Variants in TRIM37 observed in about 807,000 individuals in gnomAD.
TRIM37 encodes tripartite motif containing 37.
A neutral mutation model predicts 129.8 loss-of-function variants in TRIM37; 80 were observed. The observed-to-expected ratio is 0.62, with a 90% CI of 0.51 to 0.74. TRIM37 has a LOEUF of 0.74. Ranked by LOEUF, TRIM37 falls within the 30% of genes least tolerant of loss-of-function variation. The probability of loss-of-function intolerance (pLI) is 0.00; values close to 1 mark genes in which losing one functional copy is unlikely to be tolerated. For missense variants in TRIM37, 1,054 were observed against 1,176.5 expected, an observed-to-expected ratio of 0.90 and a Z score of 1.52; for synonymous variants, 389 against 387.1, an observed-to-expected ratio of 1.00 and a Z score of -0.06.
chr17:59,007,311 T>C (rs536567114), intron 22 of TRIM37, among the ~76,000 whole-genome samples: 5 of 146,634 alleles, frequency 3.4e-5, no homozygotes, highest in Non-Finnish European at 7.4e-5. Context: ...CAGGTGTACC[T>C]TCTTATTGAG....
intron 9 of TRIM37, among the ~76,000 whole-genome samples, chr17:59,070,292 G>A (rs577634238): frequency 2.6e-5 from 4 of 152,218 alleles, no homozygotes; most frequent in East Asian, 1.9e-4. Context: ...TTTAGTATCC[G>A]GAGATAACAT....
At chr17:59,076,826 T>C (rs1000629649) in intron 7 of TRIM37, among the ~76,000 whole-genome samples, 2 of 152,356 alleles carry the variant, frequency 1.3e-5, no homozygotes, top group African/African-American at 4.8e-5. Flanking sequence ...TTCACTCTTG[T>C]TGCCCAGGCT....
chr17:59,094,600 A>T (rs2044686576), intron 2 of TRIM37, among the ~76,000 whole-genome samples: 1 of 152,036 alleles, frequency 6.6e-6, no homozygotes, highest in African/African-American at 2.4e-5. Flanking sequence ...TATACTAAGT[A>T]TCTAAGATAA....
Position 58,998,879 on chromosome 17 carries a change from A to G in TRIM37, c.*498T>C, listed in dbSNP as rs1202245192. ...TACTTCAGTTATTCACATAGTGTCTACAGGGCAGAATCTCTTCCAAAGCAA... is the reference window on the plus strand; with the variant it reads ...TACTTCAGTTATTCACATAGTGTCTGCAGGGCAGAATCTCTTCCAAAGCAA... On this transcript the variant is annotated 3_prime_UTR_variant, in exon 24 of 24. Transcript: ENST00000262294. 2.0e-6 allele frequency: 2 copies of G among 1,010,038 alleles called. No homozygotes were observed. The highest frequency in any genetic ancestry group is 1.7e-5 in the African/African-American group (1 of 57,208). The allele number at this position is 1,010,038 out of a possible 1,614,324, so 62.6% of individuals were successfully genotyped here.
At chr17:59,089,249 GTC>G (rs2044059238) in intron 3 of TRIM37, among the ~76,000 whole-genome samples, 1 of 151,686 alleles carries the variant, frequency 6.6e-6, no homozygotes, top group African/African-American at 2.4e-5. Flanking sequence ...GTGAGAGCCT[GTC>G]TCAAAAACAA....
intron 24 of TRIM37, among the ~76,000 whole-genome samples, chr17:58,992,567 A>G (rs893837072): frequency 2.6e-4 from 39 of 151,858 alleles, no homozygotes; most frequent in African/African-American, 9.0e-4. Flanking sequence ...TTTAGTAAAG[A>G]TAGGGTTTCT....
chr17:58,994,728 T>C (rs2144239693), downstream of TRIM37, among the ~76,000 whole-genome samples: 1 of 152,116 alleles, frequency 6.6e-6, no homozygotes. Context: ...GGAACAGCTG[T>C]CTATATACAT....
At chr17:59,014,512 TAAC>T (rs1473107192) in intron 21 of TRIM37, among the ~76,000 whole-genome samples, 1 of 152,132 alleles carries the variant, frequency 6.6e-6, no homozygotes, top group Non-Finnish European at 1.5e-5. Flanking sequence ...ATAAACGTGT[TAAC>T]TACTATATAT....
intron 16 of TRIM37, among the ~76,000 whole-genome samples, chr17:59,042,484 C>T (rs1247633056): frequency 2.4e-5 from 3 of 125,072 alleles, no homozygotes; most frequent in African/African-American, 7.0e-5. Flanking sequence ...ATCTCAAGGC[C>T]GGGCGCAGTG....
Position 59,041,886 on chromosome 17 carries a change from A to G in TRIM37, c.1680T>C (p.Asn560=). The part of the protein sequence containing the change: ...DIDEETMSGE[N]DVEYNNMELE... ...ATTCCATGTTGTTATATTCCACATC[A>G]TTTTCTCCAGACCTAAGAATATACA... The change falls in exon 17 of 24, where the codon AAT becomes AAC. Residue 560 remains asparagine (N), a synonymous_variant. Transcript: ENST00000262294. 1 of 1,612,800 alleles carries G rather than the reference A, an allele frequency of 6.2e-7. No homozygotes were observed. Among genetic ancestry groups the G allele is most frequent in the East Asian group, 2.2e-5 (1 of 44,838 alleles).
chr17:59,026,444 A>T (rs979881499), intron 19 of TRIM37, among the ~76,000 whole-genome samples: 1 of 152,236 alleles, frequency 6.6e-6, no homozygotes, highest in African/African-American at 2.4e-5. Flanking sequence ...TTCAAATGTT[A>T]AATGACACAA....
At chr17:59,009,901 A>G (rs2035045082) in intron 22 of TRIM37, among the ~76,000 whole-genome samples, 1 of 152,238 alleles carries the variant, frequency 6.6e-6, no homozygotes, top group Non-Finnish European at 1.5e-5. Flanking sequence ...TAACACAGTA[A>G]GAACTTAGTA....
chr17:59,099,786 T>G (rs1276390654), intron 2 of TRIM37, among the ~76,000 whole-genome samples: 1 of 152,212 alleles, frequency 6.6e-6, no homozygotes, highest in African/African-American at 2.4e-5. Flanking sequence ...GGTGAGAATG[T>G]AAAATTATAA....
At chr17:59,008,084 G>A (rs776167499) in intron 22 of TRIM37, among the ~76,000 whole-genome samples, 9 of 152,186 alleles carry the variant, frequency 5.9e-5, no homozygotes, top group African/African-American at 7.2e-5. Flanking sequence ...GAGCAAGGCC[G>A]CACTCTCCTC....
intron 20 of TRIM37, 116 bp from the exon 21 acceptor site, chr17:59,015,915 G>T: frequency 1.1e-6 from 1 of 922,998 alleles, no homozygotes. Context: ...GGAGGCGGAG[G>T]TTGCAGTGAG....
intron 24 of TRIM37, among the ~76,000 whole-genome samples, chr17:58,991,443 G>A (rs897001951): frequency 6.6e-6 from 1 of 152,112 alleles, no homozygotes; most frequent in Admixed American, 6.6e-5. Flanking sequence ...GGCTGAGACA[G>A]GAGAATCGCT....
rs140771895 is a variant in TRIM37 at position 59,064,162 on chromosome 17, G to C, written c.860+193C>G. On this transcript the variant is annotated intron_variant, in intron 10 of 23. Coordinates refer to ENST00000262294, the MANE Select transcript of TRIM37 (RefSeq NM_015294.6). ...AGAAAAGGTTCCTTTTCCCAGACTA[G>C]AGAAGCAGTCAGTCTAAAGATACAA... 1.3e-5 allele frequency: 7 copies of C among 549,018 alleles called. No homozygotes were observed. The East Asian group carries it at 1.6e-4, about 12-fold the overall frequency. 34.0% of individuals were successfully genotyped at this position (549,018 alleles called of 1,614,324 possible).
the TRIM37 span, among the ~76,000 whole-genome samples, chr17:58,968,015 G>A: frequency 1.3e-5 from 2 of 152,046 alleles, no homozygotes; most frequent in African/African-American, 4.8e-5. Context: ...TGTTGGCCAG[G>A]ATGGTCTTGA....
chr17:59,047,725 G>GCAC lies in TRIM37; in HGVS notation c.1624_1625insGTG (p.Thr541_Ala542insGly). On this transcript the variant is annotated inframe_insertion, in exon 16 of 24. Transcript: ENST00000262294. ...ATCATTTTCTTCTGTATTACTTGTT[G>GCAC]CTGTGGAACTAGCAGAGGAACTGCT... The GCAC allele has an allele frequency of 6.2e-7, 1 of 1,613,976 alleles. No homozygotes were observed. The highest frequency in any genetic ancestry group is 8.5e-7 in the Non-Finnish European group (1 of 1,179,974).
Sources: allele counts gnomAD v4.1 joint callset (sites outside exome capture counted in the v4.1 genomes callset), GRCh38; gene constraint gnomAD v4.1.1; transcripts MANE v1.5; gene names NCBI Gene and HGNC (gene_info 2026-07-23, HGNC 2026-07-21).